Variants in SPATS2L observed in about 807,000 individuals in gnomAD.
The protein encoded by SPATS2L is SPATS2-like protein.
In SPATS2L, 30 loss-of-function variants were observed where a neutral mutation model predicts 59.6. The ratio of observed to expected loss-of-function variants is 0.50; its 90% confidence interval spans 0.38 to 0.68. The LOEUF (loss-of-function observed/expected upper bound fraction) is 0.68, where lower values mean the gene tolerates loss of function less well. SPATS2L is among the 30% of genes least tolerant of loss of function. The probability of loss-of-function intolerance (pLI) is 0.00; values close to 1 mark genes in which losing one functional copy is unlikely to be tolerated. For missense variants in SPATS2L, 615 were observed against 700.0 expected (o/e 0.88, Z 1.37); for synonymous variants, 252 against 263.5 (o/e 0.96, Z 0.42).
At chr2:200,444,433 T>C (rs1346179284) in intron 8 of SPATS2L, among the ~76,000 whole-genome samples, 1 of 152,096 alleles carries the variant, frequency 6.6e-6, no homozygotes, top group East Asian at 1.9e-4. Context: ...CAATTTAACA[T>C]CTAATTAAAA....
chr2:200,329,558 T>C (rs2079867224), intron 2 of SPATS2L, 78 bp downstream of exon 2: 1 of 1,266,572 alleles, frequency 7.9e-7, no homozygotes, highest in East Asian at 2.5e-5. Context: ...TGCAGCTGCC[T>C]CCTGGGAGCC....
intron 9 of SPATS2L, among the ~76,000 whole-genome samples, chr2:200,463,688 A>G (rs887301705): frequency 3.9e-5 from 6 of 152,256 alleles, no homozygotes; most frequent in Admixed American, 3.3e-4. Flanking sequence ...CCACATAAGC[A>G]CAGGTGTCAA....
intron 3 of SPATS2L, among the ~76,000 whole-genome samples, chr2:200,402,510 G>A (rs2082558738): frequency 6.6e-6 from 1 of 152,126 alleles, no homozygotes; most frequent in Non-Finnish European, 1.5e-5. Context: ...TAACTATAGT[G>A]CTACTAACCC....
chr2:200,435,388 TA>T (rs1410104114), intron 6 of SPATS2L, among the ~76,000 whole-genome samples: 3 of 152,162 alleles, frequency 2.0e-5, no homozygotes, highest in Non-Finnish European at 2.9e-5. Context: ...ATACAATTTT[TA>T]TTGAAATCTA....
intron 2 of SPATS2L, among the ~76,000 whole-genome samples, chr2:200,368,688 T>G (rs897028870): frequency 6.6e-6 from 1 of 152,164 alleles, no homozygotes; most frequent in Non-Finnish European, 1.5e-5. Context: ...ATAGCAGACA[T>G]GTATTACAGA....
chr2:200,310,242 G>T (rs938997137), intron 1 of SPATS2L, among the ~76,000 whole-genome samples: 4 of 152,292 alleles, frequency 2.6e-5, no homozygotes, highest in Middle Eastern at 6.8e-3. Flanking sequence ...ATGATGAAAA[G>T]ACTTTCCTTT....
At chr2:200,358,395 T>G (rs1268216730) in intron 2 of SPATS2L, among the ~76,000 whole-genome samples, 1 of 152,252 alleles carries the variant, frequency 6.6e-6, no homozygotes, top group South Asian at 2.1e-4. Flanking sequence ...CCATGTCTTT[T>G]AGTATTCATT....
At chr2:200,332,161 AGAGAGG>A (rs57061652) in intron 2 of SPATS2L, among the ~76,000 whole-genome samples, 146,639 of 150,942 alleles carry the variant, frequency 0.97, 71,357 homozygotes, top group Middle Eastern at 1. Context: ...TGTGAGAGAG[AGAGAGG>A]GAGAGGGAGA....
chr2:200,385,292 G>T (rs1238846181), intron 2 of SPATS2L, among the ~76,000 whole-genome samples: 1 of 152,320 alleles, frequency 6.6e-6, no homozygotes, highest in East Asian at 1.9e-4. Context: ...ACCTTAGAGG[G>T]CTGAGGCTTC....
At position 200,468,347 on chromosome 2, in the gene SPATS2L, T is replaced by TACAC. The variant is rs141831238; in HGVS notation, c.957+977_957+980dup. ...TTATCCACTTTTTCACCCAGTATACTACACACACACACACACACACACACA... is the reference window on the plus strand; with the variant it reads ...TTATCCACTTTTTCACCCAGTATACTACACACACACACACACACACACACACACA... On this transcript the variant is annotated intron_variant, in intron 10 of 12. Transcript: ENST00000409140. 9.0e-4 allele frequency among the ~76,000 whole-genome samples: 99 copies of TACAC among 110,154 alleles called. 2 individuals are homozygous for TACAC. Among genetic ancestry groups the TACAC allele is most frequent in the East Asian group, 4.3e-3 (13 of 2,994 alleles). The allele number at this position is 110,154 out of a possible 152,430, so 72.3% of individuals were successfully genotyped here. A position where few individuals can be genotyped will look rare whatever the true frequency, so the allele number is the denominator to read the frequency against.
chr2:200,407,442 CTACT>C (rs1389711724), intron 3 of SPATS2L, among the ~76,000 whole-genome samples: 1 of 152,142 alleles, frequency 6.6e-6, no homozygotes, highest in African/African-American at 2.4e-5. Flanking sequence ...CACTTACTAC[CTACT>C]TTTATTGTAG....
intron 3 of SPATS2L, among the ~76,000 whole-genome samples, chr2:200,408,935 C>T (rs569068382): frequency 9.2e-5 from 14 of 152,334 alleles, no homozygotes; most frequent in Non-Finnish European, 1.6e-4. Flanking sequence ...AAGCAAAATA[C>T]GGGAACATAA....
At chr2:200,398,661 C>T (rs939843162) in intron 3 of SPATS2L, among the ~76,000 whole-genome samples, 1 of 152,126 alleles carries the variant, frequency 6.6e-6, no homozygotes, top group Non-Finnish European at 1.5e-5. Context: ...ATCTGCCAAA[C>T]GATGGGAGTT....
At chr2:200,332,525 G>C (rs1193622754) in intron 2 of SPATS2L, among the ~76,000 whole-genome samples, 1 of 152,134 alleles carries the variant, frequency 6.6e-6, no homozygotes, top group African/African-American at 2.4e-5. Flanking sequence ...GGGATTACAG[G>C]TGTGAGCCAC....
At chr2:200,417,785 T>C (rs2083126154) in intron 5 of SPATS2L, among the ~76,000 whole-genome samples, 5 of 152,184 alleles carry the variant, frequency 3.3e-5, no homozygotes, top group Admixed American at 3.3e-4. Context: ...AAGAAAAAAC[T>C]GTTTATTTTT....
chr2:200,428,698 C>T (rs72922026), intron 6 of SPATS2L, among the ~76,000 whole-genome samples: 4,919 of 152,248 alleles, frequency 0.032, 116 homozygotes, highest in Non-Finnish European at 0.044. Flanking sequence ...TCATCATCTC[C>T]CTTCCCAGTC....
intron 1 of SPATS2L, among the ~76,000 whole-genome samples, chr2:200,327,860 G>GCGCA (rs1553506942): frequency 1.1e-4 from 16 of 150,510 alleles, no homozygotes; most frequent in East Asian, 3.9e-4. Context: ...GCGTGTGCGG[G>GCGCA]CACACACACA....
At chr2:200,336,849 T>C (rs1478680771) in intron 2 of SPATS2L, among the ~76,000 whole-genome samples, 1 of 152,208 alleles carries the variant, frequency 6.6e-6, no homozygotes, top group Non-Finnish European at 1.5e-5. Flanking sequence ...ATTTTAAAGC[T>C]GTGAAGAGTG....
At chr2:200,388,621 C>A (rs1296477023) in intron 2 of SPATS2L, among the ~76,000 whole-genome samples, 1 of 149,706 alleles carries the variant, frequency 6.7e-6, no homozygotes, top group African/African-American at 2.5e-5. Flanking sequence ...TGCCCCCCCC[C>A]CACCCAGAAA....
Sources: allele counts gnomAD v4.1 joint callset (sites outside exome capture counted in the v4.1 genomes callset), GRCh38; gene constraint gnomAD v4.1.1; transcripts MANE v1.5; gene names NCBI Gene and HGNC (gene_info 2026-07-23, HGNC 2026-07-21).